Variants in RING1 observed in about 807,000 individuals in gnomAD.
RING1 encodes ring finger protein 1.
A neutral mutation model predicts 35.0 loss-of-function variants in RING1; 8 were observed. The observed-to-expected ratio is 0.23, with a 90% CI of 0.13 to 0.41. RING1 has a LOEUF of 0.41. Ranked by LOEUF, RING1 falls within the 10% of genes least tolerant of loss-of-function variation. RING1 has a pLI of 1.00. For missense variants in RING1, 343 were observed against 546.8 expected (o/e 0.63, Z 3.72); for synonymous variants, 214 against 224.3 (o/e 0.95, Z 0.41).
chr6:33,211,080 A>C lies in RING1; in HGVS notation c.456-78A>C, dbSNP rs1460402837. 6.9e-7 allele frequency: 1 copy of C among 1,451,024 alleles called. No individual in the cohort carries two copies. Among genetic ancestry groups the C allele is most frequent in the South Asian group, 1.4e-5 (1 of 70,538 alleles). The allele number at this position is 1,451,024 out of a possible 1,614,324, so 89.9% of individuals were successfully genotyped here. A position where few individuals can be genotyped will look rare whatever the true frequency, so the allele number is the denominator to read the frequency against. On this transcript the variant is annotated intron_variant, in intron 4 of 6. Coordinates refer to ENST00000374656, the MANE Select transcript of RING1 (RefSeq NM_002931.4). This position sits in a 1 kb window ranked among gnomAD's most constrained non-coding sequence, Gnocchi z 6.3. ...AGGTATCGTCATTAGGATTTTTCTT[A>C]TCTCTTAATTCTCTGAAGTTTAAAG...
rs1562450549 is a variant in RING1 at position 33,209,580 on chromosome 6, C to T, written c.79-46C>T. The T allele has an allele frequency of 6.3e-7, 1 of 1,579,830 alleles. No individual in the cohort carries two copies. Among genetic ancestry groups the T allele is most frequent in the Non-Finnish European group, 8.6e-7 (1 of 1,159,380 alleles). The stretch of plus-strand genomic sequence containing the variant: ...TTATGGGCTGCTGTTTCTAAAACCC[C>T]TTTCCCTCTAACCCACACCACCTTT... On this transcript the variant is annotated intron_variant, in intron 2 of 6. Transcript: ENST00000374656. This position sits in a 1 kb window ranked among gnomAD's most constrained non-coding sequence, Gnocchi z 5.1.
chr6:33,212,264 C>CT (rs778061902), intron 6 of RING1, 34 bp from the exon 7 acceptor site: 7 of 1,417,832 alleles, frequency 4.9e-6, no homozygotes, highest in Non-Finnish European at 6.8e-6. Context: ...TTTCCTCTCT[C>CT]TTTTCCCCTC....
Position 33,211,266 on chromosome 6 carries a change from AGACTCCGCCCCT to A in RING1, c.570_581del (p.Asp193_Pro196del). On this transcript the variant is annotated inframe_deletion, in exon 5 of 7. Coordinates refer to ENST00000374656, the MANE Select transcript of RING1 (RefSeq NM_002931.4). This position sits in a 1 kb window ranked among gnomAD's most constrained non-coding sequence, Gnocchi z 6.3. ...AAGGGGATGGAGAAGATGTGAGCTC[AGACTCCGCCCCT>A]GACTCTGCCCCAGGCCCTGCTCCCA... 2 of 1,612,730 alleles carry A rather than the reference AGACTCCGCCCCT, an allele frequency of 1.2e-6. No homozygotes were observed. Among genetic ancestry groups the A allele is most frequent in the Non-Finnish European group, 1.7e-6 (2 of 1,179,916 alleles).
Position 33,209,148 on chromosome 6 carries a change from C to A in RING1, c.78+248C>A. ...GATCACAAACACAAAAATTACCTTC[C>A]CTGTTCCTCATTCAGTGTCATAAGT... On this transcript the variant is annotated intron_variant, in intron 2 of 6. Coordinates refer to ENST00000374656, the MANE Select transcript of RING1 (RefSeq NM_002931.4). The surrounding 1 kb of genome is among the most constrained non-coding windows in gnomAD (Gnocchi z 5.1). 1 of 692,614 alleles carries A rather than the reference C, an allele frequency of 1.4e-6. No homozygotes were observed. Among genetic ancestry groups the A allele is most frequent in the Non-Finnish European group, 2.6e-6 (1 of 379,218 alleles). The allele number at this position is 692,614 out of a possible 1,614,324, so 42.9% of individuals were successfully genotyped here. A position where few individuals can be genotyped will look rare whatever the true frequency, so the allele number is the denominator to read the frequency against.
intron 6 of RING1, 123 bp downstream of exon 6, chr6:33,212,125 C>T: frequency 1.1e-6 from 1 of 886,586 alleles, no homozygotes; most frequent in Non-Finnish European, 1.7e-6. Flanking sequence ...CTATCTCTTT[C>T]TATGTCCCCT....
chr6:33,208,806 G>T lies in RING1; in HGVS notation c.-17G>T, dbSNP rs1486026319. 6.3e-7 allele frequency: 1 copy of T among 1,593,320 alleles called. No individual in the cohort carries two copies. Among genetic ancestry groups the T allele is most frequent in the Non-Finnish European group, 8.6e-7 (1 of 1,167,744 alleles). On this transcript the variant is annotated 5_prime_UTR_variant, in exon 2 of 7. Transcript: ENST00000374656. The surrounding 1 kb of genome is among the most constrained non-coding windows in gnomAD (Gnocchi z 6.2). ...CTCGGCTGTGGAGCCCTGGTGGGGG[G>T]TCTGCGCCCGGTCACCATGACGACG...
rs1775632120 is a variant in RING1 at position 33,212,649 on chromosome 6, A to G, written c.*250A>G. The G allele has an allele frequency of 4.9e-6, 2 of 404,230 alleles. No homozygotes were observed. Among genetic ancestry groups the G allele is most frequent in the African/African-American group, 2.0e-5 (1 of 49,154 alleles). The allele number at this position is 404,230 out of a possible 1,614,324, so 25.0% of individuals were successfully genotyped here. A position where few individuals can be genotyped will look rare whatever the true frequency, so the allele number is the denominator to read the frequency against. Reference sequence around the variant, plus strand: ...ACGTCCCATCTATACGAGGTGTTGGAGAAGGTGAAGAACCCTCCCATTCAC... The same window carrying G: ...ACGTCCCATCTATACGAGGTGTTGGGGAAGGTGAAGAACCCTCCCATTCAC... On this transcript the variant is annotated 3_prime_UTR_variant, in exon 7 of 7. Coordinates refer to ENST00000374656, the MANE Select transcript of RING1 (RefSeq NM_002931.4).
At position 33,208,990 on chromosome 6, in the gene RING1, C is replaced by T. The variant is rs550472864; in HGVS notation, c.78+90C>T. ...CACACAGCTTCTTTTCCGTAATTTG[C>T]TCTATTCTGCCTTGCCTGGCCCTAC... On this transcript the variant is annotated intron_variant, in intron 2 of 6. Transcript: ENST00000374656. This position sits in a 1 kb window ranked among gnomAD's most constrained non-coding sequence, Gnocchi z 6.2. 4 of 1,097,360 alleles carry T rather than the reference C, an allele frequency of 3.6e-6. No individual in the cohort carries two copies. The highest frequency in any genetic ancestry group is 3.9e-5 in the Admixed American group (2 of 50,814). 68.0% of individuals were successfully genotyped at this position (1,097,360 alleles called of 1,614,324 possible).
At position 33,210,079 on chromosome 6, in the gene RING1, A is replaced by T; in HGVS notation, c.404A>T (p.Gln135Leu). 1 of 1,614,252 alleles carries T rather than the reference A, an allele frequency of 6.2e-7. No individual in the cohort carries two copies. The highest frequency in any genetic ancestry group is 1.3e-5 in the African/African-American group (1 of 75,070). ...LIRLSRLHNQ[Q>L]ALSSSIEEGL... ...CGCCTGAGCCGCCTGCACAACCAGC[A>T]GGCATTGAGCTCCAGCATTGAGGAG... Residue 135 changes from glutamine (Q) to leucine (L), a missense_variant, in exon 4 of 7, where the codon CAG (glutamine) becomes CTG (leucine). Gln to Leu is a moderately radical substitution (Grantham distance 113). Around this residue, in one of 2 missense-constraint regions of RING1, gnomAD observed 278 missense variants for 383.5 expected, o/e 0.72. Transcript: ENST00000374656.
intron 6 of RING1, 109 bp downstream of exon 6, chr6:33,212,111 T>C: frequency 2.2e-6 from 2 of 928,936 alleles, no homozygotes; most frequent in South Asian, 1.7e-5. Flanking sequence ...CCCCTATACA[T>C]CCTCTATCTC....
In RING1 at chr6:33,208,694, C is replaced by A; in HGVS notation, c.-59+50C>A. 1.4e-6 allele frequency: 1 copy of A among 736,398 alleles called. No homozygotes were observed. The highest frequency in any genetic ancestry group is 2.1e-6 in the Non-Finnish European group (1 of 469,780). The allele number at this position is 736,398 out of a possible 1,614,324, so 45.6% of individuals were successfully genotyped here. On this transcript the variant is annotated intron_variant, in intron 1 of 6. Coordinates refer to ENST00000374656, the MANE Select transcript of RING1 (RefSeq NM_002931.4). This position sits in a 1 kb window ranked among gnomAD's most constrained non-coding sequence, Gnocchi z 6.2. ...GCGGGAGCGGGGGCGGAGAGGGGCG[C>A]TTCTGGAGGGGCGGGGTCTACGCGA...
In RING1 at chr6:33,212,528, G is replaced by A; in HGVS notation, c.*129G>A. ...AATAAGAGGACACAAATGAGGACAC[G>A]TGGCTTTTATACAAAGTATCTATAT... is the stretch of plus-strand genomic sequence containing the variant. On this transcript the variant is annotated 3_prime_UTR_variant, in exon 7 of 7. Coordinates refer to ENST00000374656, the MANE Select transcript of RING1 (RefSeq NM_002931.4). The A allele has an allele frequency of 9.4e-6, 6 of 638,408 alleles. No homozygotes were observed. Among genetic ancestry groups the A allele is most frequent in the Non-Finnish European group, 1.7e-5 (6 of 356,030 alleles). 39.5% of individuals were successfully genotyped at this position (638,408 alleles called of 1,614,324 possible). A position where few individuals can be genotyped will look rare whatever the true frequency, so the allele number is the denominator to read the frequency against.
Position 33,211,834 on chromosome 6 carries a change from A to C in RING1, c.951A>C (p.Gly317=). 6.3e-7 allele frequency: 1 copy of C among 1,584,910 alleles called. No individual in the cohort carries two copies. The highest frequency in any genetic ancestry group is 8.6e-7 in the Non-Finnish European group (1 of 1,162,580). ...AACAGCAGGAAGCAGGGGAGCCAGG[A>C]GGGCCTGGAGGGGGCGCCTCTGACA... ...RRQQQEAGEP[G]GPGGGASDTG... Residue 317 remains glycine (G), a synonymous_variant, in exon 6 of 7, where the codon GGA becomes GGC. Coordinates refer to ENST00000374656, the MANE Select transcript of RING1 (RefSeq NM_002931.4). The surrounding 1 kb of genome is among the most constrained non-coding windows in gnomAD (Gnocchi z 6.3).
At position 33,212,404 on chromosome 6, in the gene RING1, A is replaced by G. The variant is rs1198667345; in HGVS notation, c.*5A>G. On this transcript the variant is annotated 3_prime_UTR_variant, in exon 7 of 7. Transcript: ENST00000374656. Reference sequence around the variant, plus strand: ...CCCACCAAGGATCCAAAGTGACCCCACCAGGGGACAGCCAGAGGAAGGGGA... The same window carrying G: ...CCCACCAAGGATCCAAAGTGACCCCGCCAGGGGACAGCCAGAGGAAGGGGA... 1.3e-6 allele frequency: 2 copies of G among 1,565,972 alleles called. No individual in the cohort carries two copies. Among genetic ancestry groups the G allele is most frequent in the Non-Finnish European group, 1.7e-6 (2 of 1,150,750 alleles).
At chr6:33,210,478 G>A (rs1274052317) in intron 4 of RING1, among the ~76,000 whole-genome samples, 1 of 152,090 alleles carries the variant, frequency 6.6e-6, no homozygotes, top group African/African-American at 2.4e-5. Context: ...GCACATGCCT[G>A]TAGTCCTACC....
Position 33,208,653 on chromosome 6 carries a change from C to T in RING1, c.-59+9C>T. 1.7e-6 allele frequency: 1 copy of T among 588,322 alleles called. No homozygotes were observed. The highest frequency in any genetic ancestry group is 2.9e-6 in the Non-Finnish European group (1 of 342,250). 36.4% of individuals were successfully genotyped at this position (588,322 alleles called of 1,614,324 possible). A position where few individuals can be genotyped will look rare whatever the true frequency, so the allele number is the denominator to read the frequency against. ...CGAACGGCTGGAGCTGGGTGAGGGG[C>T]AGTGCCGGCGCGGGGGCGGGAGCGG... On this transcript the variant is annotated intron_variant, in intron 1 of 6. Transcript: ENST00000374656. The surrounding 1 kb of genome is among the most constrained non-coding windows in gnomAD (Gnocchi z 6.2).
At chr6:33,210,336 C>T (rs1015769630) in intron 4 of RING1, among the ~76,000 whole-genome samples, 1 of 152,174 alleles carries the variant, frequency 6.6e-6, no homozygotes, top group Non-Finnish European at 1.5e-5. Flanking sequence ...CACAGTGACT[C>T]ACATCTGTAA....
At position 33,209,784 on chromosome 6, in the gene RING1, C is replaced by T. The variant is rs1261748316; in HGVS notation, c.237C>T (p.Ser79=). ...ACTGCATTGTCACAGCCCTACGGAG[C>T]GGGTAATAGGAGAGACATGTTTGAG... ...CSDCIVTALR[S]GNKECPTCRK... is the part of the protein sequence containing the mutation. The change falls in exon 3 of 7, where the codon AGC becomes AGT. Residue 79 remains serine (S), a splice_region_variant and synonymous_variant. Transcript: ENST00000374656. The surrounding 1 kb of genome is among the most constrained non-coding windows in gnomAD (Gnocchi z 5.1). The T allele has an allele frequency of 1.9e-6, 3 of 1,613,644 alleles. No individual in the cohort carries two copies. The highest frequency in any genetic ancestry group is 1.3e-5 in the African/African-American group (1 of 74,892).
chr6:33,212,101 C>T (rs911632675), intron 6 of RING1, 99 bp downstream of exon 6: 7 of 979,116 alleles, frequency 7.1e-6, no homozygotes, highest in Non-Finnish European at 1.1e-5. Flanking sequence ...CAGCACTCTT[C>T]CCCTATACAT....
Sources: allele counts gnomAD v4.1 joint callset (sites outside exome capture counted in the v4.1 genomes callset), GRCh38; gene constraint gnomAD v4.1.1; regional missense constraint gnomAD v4.1.1; non-coding constraint Gnocchi (gnomAD v3.1); transcripts MANE v1.5; gene names NCBI Gene and HGNC (gene_info 2026-07-23, HGNC 2026-07-21).